Variants in TMEM223 observed in about 807,000 individuals in gnomAD.
The protein encoded by TMEM223 is transmembrane protein 223.
In TMEM223, 14 loss-of-function variants were observed where a neutral mutation model predicts 14.1. That is an observed-to-expected ratio of 0.99 (90% CI 0.66 to 1.55). The LOEUF (loss-of-function observed/expected upper bound fraction) is 1.55. TMEM223 is among the 40% of genes most tolerant of loss of function. The pLI, the probability that TMEM223 is intolerant of heterozygous loss-of-function variation, is 0.00. For missense variants in TMEM223, 346 were observed against 269.9 expected (o/e 1.28, Z -1.97); for synonymous variants, 145 against 120.5 (o/e 1.20, Z -1.33).
downstream of TMEM223, chr11:62,786,815 C>T: frequency 6.2e-7 from 1 of 1,607,116 alleles, no homozygotes; most frequent in Non-Finnish European, 8.5e-7. Context: ...CAGCCTGCAC[C>T]CACGGCTCCG....
At chr11:62,774,577 T>C (rs948724486) in intron 2 of TMEM223, 4 of 454,540 alleles carry the variant, frequency 8.8e-6, no homozygotes, top group African/African-American at 2.0e-5. Flanking sequence ...TGCATCACTT[T>C]GGCGCACGGG....
At chr11:62,786,252 C>G, downstream of TMEM223, 1 of 1,608,198 alleles carries the variant, frequency 6.2e-7, no homozygotes, top group Admixed American at 1.7e-5. Context: ...TCCTTCTCTT[C>G]CTTCCAGGCA....
chr11:62,781,682 G>T, intron 1 of TMEM223: 7 of 417,840 alleles, frequency 1.7e-5, no homozygotes, highest in East Asian at 1.0e-4. Context: ...AAAAAAAGTT[G>T]GACATTCAGG....
downstream of TMEM223, chr11:62,771,170 T>C (rs907425112): frequency 1.3e-5 from 2 of 152,040 alleles, no homozygotes; most frequent in Admixed American, 6.6e-5. Context: ...GTAAAAAAAA[T>C]AAAATATGCT....
At chr11:62,782,907 A>C, downstream of TMEM223, 1 of 1,562,264 alleles carries the variant, frequency 6.4e-7, no homozygotes, top group Non-Finnish European at 8.7e-7. Context: ...CGTTATCTCC[A>C]AAATAGTGTG....
At chr11:62,783,530 AG>A (rs1243847591), downstream of TMEM223, among the ~76,000 whole-genome samples, 1 of 145,376 alleles carries the variant, frequency 6.9e-6, no homozygotes, top group Non-Finnish European at 1.5e-5. Context: ...ATTAAGAGGG[AG>A]GATCTTTTTT....
intron 1 of TMEM223, chr11:62,778,374 T>A: frequency 5.0e-6 from 8 of 1,612,984 alleles, no homozygotes; most frequent in Non-Finnish European, 6.8e-6. Context: ...TTGGATGAAT[T>A]TTCTCCCTTA....
At chr11:62,785,195 CTTT>C (rs770648187), downstream of TMEM223, among the ~76,000 whole-genome samples, 1 of 138,510 alleles carries the variant, frequency 7.2e-6, no homozygotes. Context: ...ATTTTCTTTC[CTTT>C]TTTTTTTTTT....
downstream of TMEM223, among the ~76,000 whole-genome samples, chr11:62,784,398 G>A (rs1003442683): frequency 5.3e-5 from 8 of 150,418 alleles, no homozygotes; most frequent in South Asian, 2.1e-4. Flanking sequence ...TCCGCCTCCC[G>A]GGTTCACGCC....
chr11:62,773,626 T>C (rs1363087373), intron 2 of TMEM223, among the ~76,000 whole-genome samples: 1 of 152,030 alleles, frequency 6.6e-6, no homozygotes, highest in Non-Finnish European at 1.5e-5. Context: ...TTTGTATTTG[T>C]AGTAGAGATG....
chr11:62,774,492 C>T (rs919728475), intron 2 of TMEM223: 2 of 438,748 alleles, frequency 4.6e-6, no homozygotes, highest in Non-Finnish European at 9.2e-6. Flanking sequence ...CCCATTGATC[C>T]CCTGCCAGAG....
downstream of TMEM223, among the ~76,000 whole-genome samples, chr11:62,783,558 G>A (rs1179456950): frequency 3.3e-5 from 5 of 149,490 alleles, no homozygotes; most frequent in Non-Finnish European, 7.4e-5. Context: ...TTTTGAGACG[G>A]AGTTTTGCTC....
chr11:62,790,833 C>T lies in TMEM223; in HGVS notation c.399G>A (p.Val133=), dbSNP rs1452861003. ...SVVLRAGGQQ[V]TLTTHAPFGL... ...CAAAGGGGGCATGAGTGGTGAGGGT[C>T]ACCTGCTGCCCTCCAGCTCGAAGCA... The change falls in exon 2 of 2, where the codon GTG becomes GTA. Residue 133 remains valine, a synonymous_variant. Transcript: ENST00000307366. The T allele has an allele frequency of 6.2e-7, 1 of 1,604,886 alleles. No individual in the cohort carries two copies. The highest frequency in any genetic ancestry group is 1.1e-5 in the South Asian group (1 of 89,418).
downstream of TMEM223, among the ~76,000 whole-genome samples, chr11:62,785,138 T>A (rs1354913502): frequency 6.7e-6 from 1 of 149,230 alleles, no homozygotes; most frequent in Admixed American, 6.7e-5. Context: ...GCACCTCGCC[T>A]ATCTTTTTCT....
At chr11:62,781,670 A>AT in intron 1 of TMEM223, 1 of 458,824 alleles carries the variant, frequency 2.2e-6, no homozygotes. Context: ...CTCAAAAAAA[A>AT]AAAAAAAAGT....
At chr11:62,789,849 G>A (rs1158902583), downstream of TMEM223, 1 of 1,598,330 alleles carries the variant, frequency 6.3e-7, no homozygotes, top group Non-Finnish European at 8.5e-7. Flanking sequence ...ATTTGAAATG[G>A]TCCCACTCCT....
At chr11:62,789,863 G>C (rs537245629), downstream of TMEM223, 3 of 1,607,048 alleles carry the variant, frequency 1.9e-6, no homozygotes, top group Non-Finnish European at 2.6e-6. Context: ...CACTCCTGAC[G>C]ATCCTGTCCC....
chr11:62,787,509 G>C (rs1267261232), downstream of TMEM223: 5 of 1,576,910 alleles, frequency 3.2e-6, no homozygotes, highest in Non-Finnish European at 4.3e-6. Context: ...TGGCGGCCGC[G>C]GCGATGACTC....
chr11:62,779,418 A>G (rs559337696), intron 1 of TMEM223, among the ~76,000 whole-genome samples: 12 of 151,046 alleles, frequency 7.9e-5, no homozygotes, highest in African/African-American at 2.9e-4. Flanking sequence ...GATGGTCTTG[A>G]TCTCCTGACC....
Sources: allele counts gnomAD v4.1 joint callset (sites outside exome capture counted in the v4.1 genomes callset), GRCh38; gene constraint gnomAD v4.1.1; transcripts MANE v1.5; gene names NCBI Gene and HGNC (gene_info 2026-07-23, HGNC 2026-07-21).